Variants in ARHGAP9 observed in about 807,000 individuals in gnomAD.
ARHGAP9 encodes the protein rho GTPase-activating protein 9.
In ARHGAP9, 76 loss-of-function variants were observed where a neutral mutation model predicts 87.3. That is an observed-to-expected ratio of 0.87 (90% CI 0.72 to 1.05). The LOEUF is 1.05. Ranked by LOEUF, ARHGAP9 falls within the 50% of genes least tolerant of loss-of-function variation. ARHGAP9 has a pLI of 0.00. For missense variants in ARHGAP9, 941 were observed against 960.5 expected, an observed-to-expected ratio of 0.98 and a Z score of 0.27; for synonymous variants, 382 against 394.9, an observed-to-expected ratio of 0.97 and a Z score of 0.39.
At chr12:57,479,590 T>C in intron 1 of ARHGAP9, 140 bp downstream of exon 1, 2 of 1,527,190 alleles carry the variant, frequency 1.3e-6, no homozygotes, top group Non-Finnish European at 1.8e-6. Context: ...TGACAGGTTT[T>C]GGGGGCTGAG....
intron 3 of ARHGAP9, 110 bp downstream of exon 3, chr12:57,478,425 GTTATC>G: frequency 1.9e-6 from 2 of 1,074,980 alleles, no homozygotes; most frequent in Middle Eastern, 3.0e-4. Flanking sequence ...AGTACCAAGC[GTTATC>G]TTATTTATTT....
intron 5 of ARHGAP9, 91 bp from the exon 6 acceptor site, chr12:57,477,054 G>A (rs779127050): frequency 2.6e-6 from 4 of 1,519,954 alleles, no homozygotes; most frequent in East Asian, 2.3e-5. Flanking sequence ...ACGGGTGAGA[G>A]GTGGGGGGTG....
intron 4 of ARHGAP9, 85 bp downstream of exon 4, chr12:57,477,374 C>G: frequency 6.5e-7 from 1 of 1,542,148 alleles, no homozygotes. Context: ...CTGAGAGCCC[C>G]GGAGAGAAAA....
rs371469741 is a variant in ARHGAP9 at position 57,476,505 on chromosome 12, T to C, written c.1026-51A>G. ...TGGTAGCGAACAGGTCATTCTAGAATGACACGAGGAGGGTGCTCTTCCAAC... is the reference window on the plus strand; with the variant it reads ...TGGTAGCGAACAGGTCATTCTAGAACGACACGAGGAGGGTGCTCTTCCAAC... On this transcript the variant is annotated intron_variant, in intron 7 of 17. Transcript: ENST00000393791. 55 of 1,612,572 alleles carry C rather than the reference T, an allele frequency of 3.4e-5. No homozygotes were observed. In the African/African-American group the frequency reaches 6.8e-4, roughly 20 times the overall value.
chr12:57,479,836 G>T lies in ARHGAP9; in HGVS notation c.-125C>A. On this transcript the variant is annotated 5_prime_UTR_variant, in exon 1 of 18. Coordinates refer to ENST00000393791, the MANE Select transcript of ARHGAP9 (RefSeq NM_032496.4). ...GATAAGAAGAAAGAATCAGGTTCAAGACAGAAACAGGGAGACACAAGGTTA... is the reference window on the plus strand; with the variant it reads ...GATAAGAAGAAAGAATCAGGTTCAATACAGAAACAGGGAGACACAAGGTTA... The T allele has an allele frequency of 6.6e-7, 1 of 1,506,474 alleles. No individual in the cohort carries two copies. The allele number at this position is 1,506,474 out of a possible 1,614,324, so 93.3% of individuals were successfully genotyped here. A position where few individuals can be genotyped will look rare whatever the true frequency, so the allele number is the denominator to read the frequency against.
In ARHGAP9 at chr12:57,472,400, C is replaced by T. The variant is rs541389191; in HGVS notation, c.*117G>A. On this transcript the variant is annotated 3_prime_UTR_variant, in exon 18 of 18. Coordinates refer to ENST00000393791, the MANE Select transcript of ARHGAP9 (RefSeq NM_032496.4). ...ACCCATCCCAACACCTCAAGTCACA[C>T]TCATGAAGATAGAGACAGTCATTTG... is the stretch of plus-strand genomic sequence containing the variant. 1.3e-4 allele frequency: 166 copies of T among 1,307,458 alleles called. No homozygotes were observed. The highest frequency in any genetic ancestry group is 8.1e-4 in the Middle Eastern group (3 of 3,686). The allele number at this position is 1,307,458 out of a possible 1,614,324, so 81.0% of individuals were successfully genotyped here. A position where few individuals can be genotyped will look rare whatever the true frequency, so the allele number is the denominator to read the frequency against.
rs576296725 is a variant in ARHGAP9 at position 57,473,341 on chromosome 12, A to T, written c.2024+262T>A. ...GGCAGGAGAATTACTTGAACCCGGG[A>T]GGCAGAGGTTGCAGTGAGCTGAAAT... On this transcript the variant is annotated intron_variant, in intron 17 of 17. Transcript: ENST00000393791. Among the ~76,000 whole-genome samples the T allele has an allele frequency of 5.3e-5, 8 of 152,286 alleles. No homozygotes were observed. In the South Asian group the frequency reaches 1.7e-3, roughly 32 times the overall value.
upstream of ARHGAP9, chr12:57,480,192 T>TC: frequency 1.1e-6 from 1 of 930,902 alleles, no homozygotes; most frequent in African/African-American, 1.8e-5. Flanking sequence ...CATGCTTTTT[T>TC]TTTTTTGAGA....
upstream of ARHGAP9, chr12:57,480,239 T>A (rs1057156027): frequency 1.8e-6 from 1 of 568,686 alleles, no homozygotes; most frequent in Non-Finnish European, 2.2e-6. Flanking sequence ...TGGAGTGTGA[T>A]GGCGAGATCT....
upstream of ARHGAP9, among the ~76,000 whole-genome samples, chr12:57,484,380 A>G (rs1343435084): frequency 6.7e-6 from 1 of 149,914 alleles, no homozygotes; most frequent in Non-Finnish European, 1.5e-5. Flanking sequence ...CTTTTCACCC[A>G]TTAGAGGGGC....
At chr12:57,473,323 G>A (rs1213153952) in intron 17 of ARHGAP9, among the ~76,000 whole-genome samples, 1 of 152,162 alleles carries the variant, frequency 6.6e-6, no homozygotes, top group Admixed American at 6.5e-5. Flanking sequence ...TGAGGCAGGA[G>A]AATTACTTGA....
At chr12:57,474,746 G>A (rs1318255278) in intron 13 of ARHGAP9, 43 bp from the exon 14 acceptor site, 34 of 1,610,946 alleles carry the variant, frequency 2.1e-5, no homozygotes, top group Non-Finnish European at 2.7e-5. Flanking sequence ...CTGCTTGAAA[G>A]TGTGTGTGGT....
chr12:57,475,919 G>A lies in ARHGAP9; in HGVS notation c.1225C>T (p.Pro409Ser). The change falls in exon 10 of 18, where the codon CCT (proline) becomes TCT (serine). Residue 409 changes from proline to serine, a missense_variant. By Grantham distance (74) the Pro-to-Ser change is moderately conservative (BLOSUM62 -1). Coordinates refer to ENST00000393791, the MANE Select transcript of ARHGAP9 (RefSeq NM_032496.4). Reference protein sequence around the residue: ...RRNVLHIRTIPGHEFLLQSDH... With the variant: ...RRNVLHIRTISGHEFLLQSDH... Reference sequence around the variant, plus strand: ...GACTGCAGCAGGAACTCGTGGCCAGGGATCGTGCGGATCTGAGGGCCAGGC... The same window carrying A: ...GACTGCAGCAGGAACTCGTGGCCAGAGATCGTGCGGATCTGAGGGCCAGGC... 3 of 1,612,958 alleles carry A rather than the reference G, an allele frequency of 1.9e-6. No individual in the cohort carries two copies. The highest frequency in any genetic ancestry group is 2.2e-5 in the East Asian group (1 of 44,858).
intron 1 of ARHGAP9, among the ~76,000 whole-genome samples, chr12:57,486,249 A>T (rs1875384781): frequency 6.6e-6 from 1 of 152,094 alleles, no homozygotes; most frequent in African/African-American, 2.4e-5. Context: ...ACTTATTGCC[A>T]AACTCTTAGC....
Position 57,477,470 on chromosome 12 carries a change from G to A in ARHGAP9, c.745C>T (p.Arg249Cys), listed in dbSNP as rs370695025. 1.4e-5 allele frequency: 22 copies of A among 1,613,930 alleles called. No individual in the cohort carries two copies. Among genetic ancestry groups the A allele is most frequent in the South Asian group, 2.2e-5 (2 of 91,062 alleles). ...AGGTAAGGTCTCACCGTCTCGCTGC[G>A]ACTGCGGCGCGGGGGCTTCCAGGAC... ...CKSWKPPRRS[R>C]SETNPGSMEG... The change falls in exon 4 of 18, where the codon CGC (arginine) becomes TGC (cysteine). Residue 249 changes from arginine (R) to cysteine (C), a missense_variant. By Grantham distance (180) the Arg-to-Cys change is radical. Coordinates refer to ENST00000393791, the MANE Select transcript of ARHGAP9 (RefSeq NM_032496.4).
Position 57,478,499 on chromosome 12 carries a change from G to A in ARHGAP9, c.534+41C>T, listed in dbSNP as rs748245386. 3.1e-6 allele frequency: 5 copies of A among 1,599,604 alleles called. No homozygotes were observed. In the Admixed American group the frequency reaches 5.0e-5, roughly 16 times the overall value. ...TGAAGACAGAGGTGCTGTCTGTCCT[G>A]TGCCTAGAACAGGGCCCAGCTCAGA... is the stretch of plus-strand genomic sequence containing the variant. On this transcript the variant is annotated intron_variant, in intron 3 of 17. Transcript: ENST00000393791.
chr12:57,477,785 C>A (rs776203717), intron 3 of ARHGAP9, 105 bp from the exon 4 acceptor site: 11 of 1,541,044 alleles, frequency 7.1e-6, no homozygotes. Context: ...GTCTTCTCAC[C>A]GCCAGCTCTG....
intron 1 of ARHGAP9, 40 bp downstream of exon 1, chr12:57,479,690 T>TA: frequency 6.4e-7 from 1 of 1,550,766 alleles, no homozygotes; most frequent in Non-Finnish European, 8.7e-7. Context: ...GGCAGGAAAT[T>TA]AGAGGAGATG....
At position 57,472,473 on chromosome 12, in the gene ARHGAP9, C is replaced by A. The variant is rs111434091; in HGVS notation, c.*44G>T. The A allele has an allele frequency of 3.2e-4, 504 of 1,598,470 alleles. No individual in the cohort carries two copies. The highest frequency in any genetic ancestry group is 4.1e-4 in the Non-Finnish European group (475 of 1,171,512). On this transcript the variant is annotated 3_prime_UTR_variant, in exon 18 of 18. Transcript: ENST00000393791. ...AAAACAGAACACCAGCCTCTCACCA[C>A]CAGAGATGACCGGAAATATGTTTTC...
Sources: allele counts gnomAD v4.1 joint callset (sites outside exome capture counted in the v4.1 genomes callset), GRCh38; gene constraint gnomAD v4.1.1; transcripts MANE v1.5; gene names NCBI Gene and HGNC (gene_info 2026-07-23, HGNC 2026-07-21).